Variants in USP28 observed in about 807,000 individuals in gnomAD.
The protein encoded by USP28 is ubiquitin specific peptidase 28, also known as ubiquitin carboxyl-terminal hydrolase 28.
Under a neutral mutation model 145.0 loss-of-function variants are expected in USP28, and 113 were observed. The ratio of observed to expected loss-of-function variants is 0.78; its 90% CI spans 0.67 to 0.91. The LOEUF (loss-of-function observed/expected upper bound fraction) is 0.91, where lower values mean the gene tolerates loss of function less well. Ranked by LOEUF, USP28 falls within the 40% of genes least tolerant of loss-of-function variation. The pLI is 0.00. For synonymous variants in USP28, 447 were observed against 450.9 expected, an observed-to-expected ratio of 0.99 and a Z score of 0.11; for missense variants, 1,201 against 1,289.6, an observed-to-expected ratio of 0.93 and a Z score of 1.05.
rs1945761681 is a variant in USP28, at chr11:113,845,738, C to A, written c.269-3970G>T. On this transcript the variant is annotated intron_variant, in intron 3 of 24. Coordinates refer to ENST00000003302, the Ensembl canonical transcript of USP28. ...TACAGGCATACACCATCACACCTGG[C>A]TAATTTTTCTATCTTTTGTAGAGAC... 2.0e-5 allele frequency among the ~76,000 whole-genome samples: 3 copies of A among 152,224 alleles called. No homozygotes were observed. In the South Asian group the frequency reaches 6.2e-4, roughly 32 times the overall value.
intron 3 of USP28, among the ~76,000 whole-genome samples, 195 bp downstream of exon 3, chr11:113,852,306 G>A (rs1223470754): frequency 1.3e-5 from 2 of 152,226 alleles, no homozygotes; most frequent in Non-Finnish European, 2.9e-5. Flanking sequence ...GGGATTACAG[G>A]CATGAGCCAC....
exon 11 of USP28, chr11:113,827,252 G>T: frequency 6.2e-7 from 1 of 1,608,110 alleles, no homozygotes; most frequent in Non-Finnish European, 8.5e-7. Context: ...TAAATAATCT[G>T]AGGAAATTCC....
At chr11:113,815,922 G>GA (rs1941669376) in intron 13 of USP28, among the ~76,000 whole-genome samples, 1 of 152,172 alleles carries the variant, frequency 6.6e-6, no homozygotes, top group African/African-American at 2.4e-5. Flanking sequence ...TGACACCTTG[G>GA]AGAGTTCTGA....
At chr11:113,856,268 A>T (rs770377095) in intron 1 of USP28, among the ~76,000 whole-genome samples, 6 of 152,232 alleles carry the variant, frequency 3.9e-5, no homozygotes, top group Admixed American at 6.5e-5. Context: ...CAACATCAAT[A>T]TACCCAAAAA....
At chr11:113,800,029 G>A (rs1633549) in intron 24 of USP28, among the ~76,000 whole-genome samples, 11,795 of 150,262 alleles carry the variant, frequency 0.078, 629 homozygotes, top group Non-Finnish European at 0.11. Context: ...TTTTTGAGAC[G>A]GAGTCTCACT....
chr11:113,839,532 C>T (rs1407269876), intron 5 of USP28, among the ~76,000 whole-genome samples: 1 of 151,914 alleles, frequency 6.6e-6, no homozygotes, highest in African/African-American at 2.4e-5. Context: ...TTGCATTGAG[C>T]CTAGATTGCG....
intron 12 of USP28, 134 bp from the exon 13 acceptor site, chr11:113,817,971 G>T (rs1942003514): frequency 1.2e-6 from 1 of 862,498 alleles, no homozygotes; most frequent in Non-Finnish European, 1.7e-6. Context: ...ATTTAATAGG[G>T]TCCTCAAACA....
intron 1 of USP28, among the ~76,000 whole-genome samples, chr11:113,869,599 AACAAG>A (rs1336456162): frequency 6.6e-6 from 1 of 152,100 alleles, no homozygotes; most frequent in Non-Finnish European, 1.5e-5. Context: ...TCAAAAAACA[AACAAG>A]ACATCTCAGT....
chr11:113,838,766 A>T (rs1280608640), intron 5 of USP28, among the ~76,000 whole-genome samples: 1 of 152,054 alleles, frequency 6.6e-6, no homozygotes, highest in Non-Finnish European at 1.5e-5. Context: ...TGTCTGTGCC[A>T]CTCTTTCCAA....
At chr11:113,842,361 G>A (rs1297759643) in intron 3 of USP28, among the ~76,000 whole-genome samples, 13 of 152,002 alleles carry the variant, frequency 8.6e-5, no homozygotes, top group Non-Finnish European at 8.8e-5. Context: ...CGAGGCGGGC[G>A]GATCACGAGG....
intron 16 of USP28, among the ~76,000 whole-genome samples, chr11:113,810,507 T>C (rs1048692380): frequency 6.6e-6 from 1 of 152,202 alleles, no homozygotes; most frequent in Non-Finnish European, 1.5e-5. Flanking sequence ...ATAACAAGGC[T>C]CCTATATATT....
At chr11:113,803,870 T>C (rs771476353) in exon 22 of USP28, 10 of 1,613,494 alleles carry the variant, frequency 6.2e-6, no homozygotes, top group Non-Finnish European at 8.5e-6. Flanking sequence ...ATAATCTTCA[T>C]GCCACTTCTG....
At chr11:113,843,850 A>AAGTG (rs1341245791) in intron 3 of USP28, among the ~76,000 whole-genome samples, 2 of 152,146 alleles carry the variant, frequency 1.3e-5, no homozygotes, top group African/African-American at 4.8e-5. Flanking sequence ...TTTTTGACCT[A>AAGTG]AGTACTAGAC....
At position 113,875,427 on chromosome 11, in the gene USP28, C is replaced by G; in HGVS notation, c.57+18G>C. The G allele has an allele frequency of 1.6e-6, 2 of 1,241,722 alleles. No homozygotes were observed. Among genetic ancestry groups the G allele is most frequent in the Non-Finnish European group, 2.0e-6 (2 of 987,436 alleles). 76.9% of individuals were successfully genotyped at this position (1,241,722 alleles called of 1,614,324 possible). On this transcript the variant is annotated intron_variant, in intron 1 of 24. Coordinates refer to ENST00000003302, the Ensembl canonical transcript of USP28. ...CTGGAGCCCGCCCCCAGCTCCCGCT[C>G]GCCGCCGCGGAGCCCACCGAGCCGT... is the stretch of plus-strand genomic sequence containing the variant.
intron 17 of USP28, 64 bp downstream of exon 17, chr11:113,808,999 G>A (rs1940512017): frequency 6.5e-7 from 1 of 1,534,208 alleles, no homozygotes; most frequent in African/African-American, 1.4e-5. Context: ...AGGGTATAGG[G>A]CTGGCTAGGG....
chr11:113,808,457 AG>A lies in USP28; in HGVS notation c.2165-21del, dbSNP rs1217135181. 6.2e-7 allele frequency: 1 copy of A among 1,611,302 alleles called. No homozygotes were observed. Among genetic ancestry groups the A allele is most frequent in the Non-Finnish European group, 8.5e-7 (1 of 1,179,546 alleles). On this transcript the variant is annotated intron_variant, in intron 17 of 24. Transcript: ENST00000003302. ...AAGGCTCTGATAAAGAATTGAACAAAGGTCTTAGCATCTAATGATAAATAGT... is the reference window on the plus strand; with the variant it reads ...AAGGCTCTGATAAAGAATTGAACAAAGTCTTAGCATCTAATGATAAATAGT...
intron 1 of USP28, among the ~76,000 whole-genome samples, chr11:113,868,434 T>A (rs1948505228): frequency 6.6e-6 from 1 of 152,216 alleles, no homozygotes; most frequent in Non-Finnish European, 1.5e-5. Context: ...ATTAAAGTGC[T>A]ACATAGTCAA....
chr11:113,849,307 T>C (rs1174356092), intron 3 of USP28, among the ~76,000 whole-genome samples: 1 of 152,182 alleles, frequency 6.6e-6, no homozygotes, highest in African/African-American at 2.4e-5. Context: ...AAAGAGCTGC[T>C]TGGTTTGCAG....
At chr11:113,809,070 T>C (rs1196329899) in exon 17 of USP28, 1 of 1,613,836 alleles carries the variant, frequency 6.2e-7, no homozygotes, top group East Asian at 2.2e-5. Context: ...TACCTTGTGA[T>C]GTAGAGTAGT....
Sources: gnomAD v4.1 joint callset for allele counts (sites outside exome capture counted in the v4.1 genomes callset) on GRCh38, gnomAD v4.1.1 for gene constraint, MANE v1.5 for transcripts, NCBI Gene and HGNC (gene_info 2026-07-23, HGNC 2026-07-21) for gene names.